The following MED15 variants were observed in gnomAD, a reference collection of about 807,000 sequenced individuals.
MED15 encodes the protein mediator of RNA polymerase II transcription subunit 15.
A neutral mutation model predicts 118.7 loss-of-function variants in MED15; 41 were observed. The observed-to-expected ratio is 0.35, with a 90% CI of 0.27 to 0.45. MED15 has a LOEUF of 0.45. Among genes scored for constraint, MED15 ranks in the 20% least tolerant of loss-of-function variants. MED15 has a pLI of 1.00. For synonymous variants in MED15, 436 were observed against 413.9 expected (o/e 1.05, Z -0.65); for missense variants, 740 against 1,025.5 (o/e 0.72, Z 3.80).
chr22:20,566,318 G>C (rs1653530378), intron 6 of MED15, 149 bp from the exon 7 acceptor site: 1 of 1,405,218 alleles, frequency 7.1e-7, no homozygotes, highest in Admixed American at 2.0e-5. Flanking sequence ...GGGATTACAG[G>C]CGTGAGCCAC....
intron 2 of MED15, among the ~76,000 whole-genome samples, chr22:20,546,113 T>G (rs2055525611): frequency 1.3e-5 from 2 of 152,190 alleles, no homozygotes; most frequent in African/African-American, 4.8e-5. Flanking sequence ...TTGGCTTCTT[T>G]GAATCAGGAT....
intron 1 of MED15, among the ~76,000 whole-genome samples, chr22:20,530,484 C>T (rs1024066788): frequency 6.6e-6 from 1 of 152,064 alleles, no homozygotes; most frequent in Admixed American, 6.6e-5. Flanking sequence ...TAGACACCAG[C>T]AGAGGACAGA....
rs61279859 is a variant in MED15 at position 20,543,111 on chromosome 22, T to TTGTGTGTGTG, written c.156+5939_156+5948dup. ...TCTTCCCTCAATTTCTCTCTCTTCT[T>TTGTGTGTGTG]TGTGTGTGTGTGTGTGTGTGTGTGT... is the stretch of plus-strand genomic sequence containing the variant. On this transcript the variant is annotated intron_variant, in intron 2 of 17. Transcript: ENST00000263205. 1.4e-3 allele frequency among the ~76,000 whole-genome samples: 198 copies of TTGTGTGTGTG among 141,256 alleles called. No individual in the cohort carries two copies. The Middle Eastern group carries it at 0.014, about 10-fold the overall frequency. 92.7% of individuals were successfully genotyped at this position (141,256 alleles called of 152,430 possible).
chr22:20,542,614 G>A (rs1301053733), intron 2 of MED15, among the ~76,000 whole-genome samples: 1 of 152,228 alleles, frequency 6.6e-6, no homozygotes, highest in East Asian at 1.9e-4. Context: ...CTGAGCCCAT[G>A]TCTCTGCCCT....
intron 5 of MED15, among the ~76,000 whole-genome samples, chr22:20,562,277 A>G (rs1437733848): frequency 6.6e-6 from 1 of 152,260 alleles, no homozygotes; most frequent in African/African-American, 2.4e-5. Context: ...AATTTGAACA[A>G]TGTAATGAAC....
At chr22:20,517,405 C>A (rs2054291546) in intron 1 of MED15, among the ~76,000 whole-genome samples, 1 of 152,242 alleles carries the variant, frequency 6.6e-6, no homozygotes, top group Non-Finnish European at 1.5e-5. Context: ...TCAGTTCTTA[C>A]TCCCTGCTCT....
intron 2 of MED15, among the ~76,000 whole-genome samples, chr22:20,547,732 ATAGC>A: frequency 6.6e-6 from 1 of 152,338 alleles, no homozygotes; most frequent in South Asian, 2.1e-4. Context: ...AGGCAGGAGA[ATAGC>A]TTGCACCACC....
At chr22:20,568,780 G>C in intron 8 of MED15, 149 bp downstream of exon 8, 1 of 1,347,030 alleles carries the variant, frequency 7.4e-7, no homozygotes, top group Non-Finnish European at 1.0e-6. Flanking sequence ...CACTCTGCAA[G>C]ACACCCCTGG....
chr22:20,557,467 C>G (rs1248170755), intron 5 of MED15, among the ~76,000 whole-genome samples: 1 of 152,158 alleles, frequency 6.6e-6, no homozygotes, highest in African/African-American at 2.4e-5. Context: ...CATTACCTCA[C>G]TATTTTTAGC....
rs1385137561 is a variant in MED15 at position 20,514,019 on chromosome 22, C to G, written c.68+6273C>G. Among the ~76,000 whole-genome samples, 4 of 152,238 alleles carry G rather than the reference C, an allele frequency of 2.6e-5. No individual in the cohort carries two copies. In the East Asian group the frequency reaches 7.7e-4, roughly 29 times the overall value. ...AGCTGGTACTACAGACGCATGCCAC[C>G]AGGCCCAGCTAATTTTTGTATTTTG... is the stretch of plus-strand genomic sequence containing the variant. On this transcript the variant is annotated intron_variant, in intron 1 of 17. Transcript: ENST00000263205.
At chr22:20,535,646 G>A (rs6001633) in intron 1 of MED15, among the ~76,000 whole-genome samples, 4,652 of 144,772 alleles carry the variant, frequency 0.032, 255 homozygotes, top group African/African-American at 0.11. Flanking sequence ...TGCCAGCTCC[G>A]CCTCCCGGGT....
intron 1 of MED15, among the ~76,000 whole-genome samples, chr22:20,516,017 ATT>A (rs891003820): frequency 1.0e-4 from 15 of 148,232 alleles, no homozygotes; most frequent in Admixed American, 2.0e-4. Context: ...AACAAAAAAA[ATT>A]AAAAATAAAT....
intron 1 of MED15, among the ~76,000 whole-genome samples, chr22:20,513,058 C>T (rs2054131521): frequency 6.6e-6 from 1 of 151,800 alleles, no homozygotes; most frequent in African/African-American, 2.4e-5. Context: ...TCTTGTATTA[C>T]AGTGGTATTC....
chr22:20,584,855 C>A lies in MED15; in HGVS notation c.1804C>A (p.Pro602Thr). Reference protein sequence around the residue: ...LEKLKNDMAVPTPPPPPVPPT... With the variant: ...LEKLKNDMAVTTPPPPPVPPT... ...CTGACCGTGCCCATCCTGTCTCCAG[C>A]CCACTCCCCCACCGCCCCCGGTGCC... The change falls in exon 15 of 18, where the codon CCC becomes ACC. Residue 602 changes from proline to threonine, a missense_variant and splice_region_variant. By Grantham distance (38) the Pro-to-Thr change is conservative. This residue lies in a region of MED15 where 179 missense variants were observed against 259.0 expected (regional missense o/e 0.69). Coordinates refer to ENST00000263205, the MANE Select transcript of MED15 (RefSeq NM_001003891.3). 6.2e-7 allele frequency: 1 copy of A among 1,611,636 alleles called. No individual in the cohort carries two copies.
At chr22:20,564,121 CAA>C (rs1192342462) in intron 5 of MED15, among the ~76,000 whole-genome samples, 1 of 152,184 alleles carries the variant, frequency 6.6e-6, no homozygotes, top group African/African-American at 2.4e-5. Flanking sequence ...GCCATTCGTA[CAA>C]AGAGTCCGGA....
intron 2 of MED15, among the ~76,000 whole-genome samples, chr22:20,543,828 GATTAT>G (rs2055419186): frequency 6.6e-6 from 1 of 152,294 alleles, no homozygotes; most frequent in African/African-American, 2.4e-5. Flanking sequence ...AAAGTGCTGG[GATTAT>G]AGGCATGAGT....
Position 20,564,437 on chromosome 22 carries a change from G to C in MED15, c.452-13G>C, listed in dbSNP as rs1223126752. ...GCCCTGTGGACTGACTGGCGACTCT[G>C]GTCTTTTCTCAGCCCAGCTGCAGCT... On this transcript the variant is annotated splice_polypyrimidine_tract_variant and intron_variant, in intron 5 of 17. Transcript: ENST00000263205. 19 of 1,613,540 alleles carry C rather than the reference G, an allele frequency of 1.2e-5. No individual in the cohort carries two copies. The East Asian group carries it at 1.6e-4, about 13-fold the overall frequency.
At chr22:20,584,657 C>A in intron 14 of MED15, 198 bp from the exon 15 acceptor site, 1 of 848,170 alleles carries the variant, frequency 1.2e-6, no homozygotes, top group Non-Finnish European at 1.8e-6. Context: ...TCAGAGGAGG[C>A]AGGGACTGTA....
chr22:20,572,806 T>C lies in MED15; in HGVS notation c.1153-2307T>C, dbSNP rs2056706789. On this transcript the variant is annotated intron_variant, in intron 8 of 17. Transcript: ENST00000263205. Reference sequence around the variant, plus strand: ...TGGGCGGAGTGGTGCGTGTCTGCAGTCCCTGCTACTCGGGAGGCCGAGTTG... The same window carrying C: ...TGGGCGGAGTGGTGCGTGTCTGCAGCCCCTGCTACTCGGGAGGCCGAGTTG... Among the ~76,000 whole-genome samples the C allele has an allele frequency of 4.6e-5, 7 of 152,086 alleles. No homozygotes were observed. In the South Asian group the frequency reaches 1.5e-3, roughly 32 times the overall value.
Sources: gnomAD v4.1 joint callset for allele counts (sites outside exome capture counted in the v4.1 genomes callset) on GRCh38, gnomAD v4.1.1 for gene constraint, gnomAD v4.1.1 regional missense constraint, MANE v1.5 for transcripts, NCBI Gene and HGNC (gene_info 2026-07-23, HGNC 2026-07-21) for gene names.